The following PIWIL4 variants were observed in gnomAD, a reference collection of about 807,000 sequenced individuals.
PIWIL4 encodes piwi-like protein 4.
Under a neutral mutation model 100.9 loss-of-function variants are expected in PIWIL4, and 50 were observed. That is an observed-to-expected ratio of 0.50 (90% CI 0.39 to 0.63). The LOEUF is 0.63. Among genes scored for constraint, PIWIL4 ranks in the 20% least tolerant of loss-of-function variants. The pLI is 0.00. For synonymous variants in PIWIL4, 342 were observed against 367.5 expected (o/e 0.93, Z 0.79); for missense variants, 887 against 1,043.3 (o/e 0.85, Z 2.06).
chr11:94,595,279 T>A lies in PIWIL4; in HGVS notation c.1151-30T>A, dbSNP rs758426045. 1.4e-5 allele frequency: 22 copies of A among 1,594,168 alleles called. No homozygotes were observed. In the East Asian group the frequency reaches 4.5e-4, roughly 33 times the overall value. On this transcript the variant is annotated intron_variant, in intron 9 of 19. Coordinates refer to ENST00000299001, the MANE Select transcript of PIWIL4 (RefSeq NM_152431.3). ...TGGGCTGAGTTGCTTATGTTCATTT[T>A]CTCACTTTGTCTTCATTTGCATTTA...
chr11:94,581,182 G>A (rs992262344), intron 4 of PIWIL4, among the ~76,000 whole-genome samples: 6 of 151,978 alleles, frequency 3.9e-5, no homozygotes, highest in African/African-American at 1.2e-4. Context: ...TTACAGGTGT[G>A]AGCCACCACG....
chr11:94,571,232 C>T (rs779808056), intron 2 of PIWIL4, among the ~76,000 whole-genome samples: 1 of 152,124 alleles, frequency 6.6e-6, no homozygotes, highest in Non-Finnish European at 1.5e-5. Flanking sequence ...TTTTTCACAT[C>T]TGCCACACAT....
chr11:94,593,453 G>A lies in PIWIL4; in HGVS notation c.1027-65G>A, dbSNP rs1591791019. 4.6e-6 allele frequency: 7 copies of A among 1,518,270 alleles called. 1 individual carries two copies. The South Asian group carries it at 4.6e-5, about 10-fold the overall frequency. The allele number at this position is 1,518,270 out of a possible 1,614,324, so 94.0% of individuals were successfully genotyped here. ...TAATGTTAGGATCACCTTGTTGAATGTAAGGATGCTCACCTGGCGGTGCTT... is the reference window on the plus strand; with the variant it reads ...TAATGTTAGGATCACCTTGTTGAATATAAGGATGCTCACCTGGCGGTGCTT... On this transcript the variant is annotated intron_variant, in intron 8 of 19. Transcript: ENST00000299001.
chr11:94,608,567 A>C lies in PIWIL4; in HGVS notation c.1840-16A>C, dbSNP rs752447739. On this transcript the variant is annotated splice_polypyrimidine_tract_variant and intron_variant, in intron 14 of 19. Transcript: ENST00000299001. Reference sequence around the variant, plus strand: ...ATACCTCATCCCATTAAATCATGACAAATTTAATTTTATAGTTAAAGTCCC... The same window carrying C: ...ATACCTCATCCCATTAAATCATGACCAATTTAATTTTATAGTTAAAGTCCC... The C allele has an allele frequency of 3.1e-6, 5 of 1,601,522 alleles. No individual in the cohort carries two copies. Among genetic ancestry groups the C allele is most frequent in the Non-Finnish European group, 4.3e-6 (5 of 1,168,922 alleles).
At chr11:94,591,440 T>A (rs1948484212) in intron 8 of PIWIL4, among the ~76,000 whole-genome samples, 1 of 152,266 alleles carries the variant, frequency 6.6e-6, no homozygotes, top group Non-Finnish European at 1.5e-5. Context: ...CATCACATTG[T>A]TTCTTGAACA....
At chr11:94,603,044 C>CT (rs1288840716) in intron 12 of PIWIL4, among the ~76,000 whole-genome samples, 1 of 152,220 alleles carries the variant, frequency 6.6e-6, no homozygotes, top group African/African-American at 2.4e-5. Flanking sequence ...TTTCAACCTT[C>CT]TTTTTTCCAT....
chr11:94,576,460 A>C (rs1316895295), intron 3 of PIWIL4, among the ~76,000 whole-genome samples: 1 of 152,170 alleles, frequency 6.6e-6, no homozygotes, highest in African/African-American at 2.4e-5. Flanking sequence ...CTATAAGACC[A>C]AAACTGGATG....
chr11:94,601,092 G>A (rs1468269845), intron 11 of PIWIL4, among the ~76,000 whole-genome samples: 1 of 150,866 alleles, frequency 6.6e-6, no homozygotes, highest in Non-Finnish European at 1.5e-5. Context: ...CGAGATGAAA[G>A]GATTAAGAGA....
intron 11 of PIWIL4, among the ~76,000 whole-genome samples, chr11:94,601,511 T>A (rs1948640777): frequency 6.6e-6 from 1 of 152,204 alleles, no homozygotes; most frequent in Non-Finnish European, 1.5e-5. Context: ...TCAGAGATCT[T>A]TGAATCAGAC....
chr11:94,591,708 A>G (rs1363909753), intron 8 of PIWIL4, among the ~76,000 whole-genome samples: 1 of 152,116 alleles, frequency 6.6e-6, no homozygotes, highest in African/African-American at 2.4e-5. Context: ...CTGCATATAT[A>G]TTGTAATTAG....
At chr11:94,584,306 C>T (rs763589485) in intron 5 of PIWIL4, among the ~76,000 whole-genome samples, 3 of 152,186 alleles carry the variant, frequency 2.0e-5, no homozygotes, top group Middle Eastern at 3.2e-3. Flanking sequence ...TCAACAGTGA[C>T]CTCTGGAAGG....
intron 4 of PIWIL4, among the ~76,000 whole-genome samples, chr11:94,582,363 T>C (rs948917028): frequency 5.3e-5 from 8 of 152,196 alleles, no homozygotes; most frequent in Non-Finnish European, 1.0e-4. Flanking sequence ...TACAATTTTA[T>C]CTGAAGCAAG....
chr11:94,567,445 A>G lies in PIWIL4; in HGVS notation c.-74A>G. 2 of 1,334,344 alleles carry G rather than the reference A, an allele frequency of 1.5e-6. No homozygotes were observed. The highest frequency in any genetic ancestry group is 2.0e-6 in the Non-Finnish European group (2 of 1,005,302). 82.7% of individuals were successfully genotyped at this position (1,334,344 alleles called of 1,614,324 possible). On this transcript the variant is annotated 5_prime_UTR_variant, in exon 1 of 20. Coordinates refer to ENST00000299001, the MANE Select transcript of PIWIL4 (RefSeq NM_152431.3). ...GCAGTTTCGCCGTCACACCGTCGCC[A>G]TCTGTAGCCAAAGCAAAACATATCC... is the stretch of plus-strand genomic sequence containing the variant.
intron 2 of PIWIL4, among the ~76,000 whole-genome samples, chr11:94,573,766 A>G (rs1391422314): frequency 6.6e-6 from 1 of 152,184 alleles, no homozygotes; most frequent in Non-Finnish European, 1.5e-5. Context: ...TATATAACAT[A>G]AAATTTACCA....
rs534879950 is a variant in PIWIL4 at position 94,606,118 on chromosome 11, A to C, written c.1639-1321A>C. On this transcript the variant is annotated intron_variant, in intron 13 of 19. Coordinates refer to ENST00000299001, the MANE Select transcript of PIWIL4 (RefSeq NM_152431.3). ...GGCTTTCTCAATGGACATAGCTAGG[A>C]AATGTATGTTGCATGGCTCCTGTTA... Among the ~76,000 whole-genome samples the C allele has an allele frequency of 3.5e-3, 529 of 152,266 alleles. 1 individual carries two copies. The highest frequency in any genetic ancestry group is 6.0e-3 in the Non-Finnish European group (410 of 68,028).
At chr11:94,619,687 T>C (rs559016608) in intron 17 of PIWIL4, 73 bp from the exon 18 acceptor site, 2 of 1,442,212 alleles carry the variant, frequency 1.4e-6, no homozygotes, top group Non-Finnish European at 9.3e-7. Context: ...TTTCATTTTT[T>C]AAATTACACA....
chr11:94,586,648 C>T (rs1948403262), intron 6 of PIWIL4, among the ~76,000 whole-genome samples: 1 of 152,264 alleles, frequency 6.6e-6, no homozygotes, highest in Non-Finnish European at 1.5e-5. Flanking sequence ...GGACATTTCC[C>T]CCCCCTCTTC....
chr11:94,595,255 G>A, intron 9 of PIWIL4, 54 bp from the exon 10 acceptor site: 4 of 1,480,022 alleles, frequency 2.7e-6, no homozygotes, highest in Non-Finnish European at 3.8e-6. Context: ...GGCCTTTGAT[G>A]GGCTGAGTTG....
In PIWIL4 at chr11:94,607,639, T is replaced by C. The variant is rs112991769; in HGVS notation, c.1839T>C (p.Pro613=). Residue 613 remains proline (P), a splice_region_variant and synonymous_variant, in exon 14 of 20, where the codon CCT becomes CCC. Transcript: ENST00000299001. ...GCGAGCTGTGGGCTGTGGAAATACC[T>C]GTAAGGACCCTGTCACATTTTTTCT... The part of the protein sequence containing the change: ...LGGELWAVEI[P]LKSLMVVGID... 1 of 1,612,198 alleles carries C rather than the reference T, an allele frequency of 6.2e-7. No individual in the cohort carries two copies. The highest frequency in any genetic ancestry group is 1.3e-5 in the African/African-American group (1 of 74,972).
Sources: allele counts gnomAD v4.1 joint callset (sites outside exome capture counted in the v4.1 genomes callset), GRCh38; gene constraint gnomAD v4.1.1; transcripts MANE v1.5; gene names NCBI Gene and HGNC (gene_info 2026-07-23, HGNC 2026-07-21).